Variants in TADA2A observed in about 807,000 individuals in gnomAD.
The protein encoded by TADA2A is transcriptional adaptor 2A.
TADA2A carries 38 observed loss-of-function variants against 67.4 expected under a neutral mutation model. The observed-to-expected ratio is 0.56, with a 90% CI of 0.44 to 0.74. The LOEUF (loss-of-function observed/expected upper bound fraction) is 0.74. Ranked by LOEUF, TADA2A falls within the 30% of genes least tolerant of loss-of-function variation. The pLI is 0.00. For synonymous variants in TADA2A, 192 were observed against 181.6 expected (o/e 1.06, Z -0.46); for missense variants, 454 against 547.0 (o/e 0.83, Z 1.70).
intron 11 of TADA2A, among the ~76,000 whole-genome samples, chr17:37,465,966 AT>A (rs2053655918): frequency 6.6e-6 from 1 of 152,118 alleles, no homozygotes; most frequent in Admixed American, 6.5e-5. Context: ...ACATCATTTT[AT>A]TTTGTTCATA....
intron 9 of TADA2A, chr17:37,461,873 C>A (rs997316827): frequency 1.0e-5 from 5 of 499,672 alleles, no homozygotes; most frequent in Non-Finnish European, 1.8e-5. Context: ...CTATGCCCAA[C>A]AAGAGGAAAA....
chr17:37,475,907 A>C (rs2053883439), intron 15 of TADA2A, among the ~76,000 whole-genome samples: 1 of 152,228 alleles, frequency 6.6e-6, no homozygotes, highest in Non-Finnish European at 1.5e-5. Context: ...CACATCTCTG[A>C]AGTCTGTTCC....
rs969135518 is a variant in TADA2A, at chr17:37,476,661, T to C, written c.1147-136T>C. On this transcript the variant is annotated intron_variant, in intron 15 of 15. Coordinates refer to ENST00000615182, the MANE Select transcript of TADA2A (RefSeq NM_001166105.3). ...CCAGAGAGGAAGAGACTAAATGGAA[T>C]GTAGTCCAGCCACCCATCAGCTCCT... The C allele has an allele frequency of 1.4e-5, 11 of 793,820 alleles. No homozygotes were observed. The African/African-American group carries it at 1.4e-4, about 10-fold the overall frequency. The allele number at this position is 793,820 out of a possible 1,614,324, so 49.2% of individuals were successfully genotyped here.
intron 11 of TADA2A, 101 bp downstream of exon 11, chr17:37,465,642 T>C (rs1335309968): frequency 1.0e-5 from 16 of 1,537,278 alleles, no homozygotes; most frequent in Non-Finnish European, 1.4e-5. Context: ...AATAAATAAA[T>C]GGATATTTCT....
chr17:37,422,484 T>TG (rs2052270998), intron 2 of TADA2A, among the ~76,000 whole-genome samples: 4 of 85,656 alleles, frequency 4.7e-5, no homozygotes, highest in African/African-American at 2.0e-4. Flanking sequence ...CCCAGCTGAT[T>TG]ATTATTATTA....
At chr17:37,452,197 G>A (rs142561830) in intron 8 of TADA2A, among the ~76,000 whole-genome samples, 14 of 152,154 alleles carry the variant, frequency 9.2e-5, no homozygotes, top group African/African-American at 3.4e-4. Flanking sequence ...GAGGTCAGGA[G>A]TTGCAGACCA....
At chr17:37,412,011 C>A (rs2147896439) in intron 2 of TADA2A, among the ~76,000 whole-genome samples, 1 of 151,186 alleles carries the variant, frequency 6.6e-6, no homozygotes, top group Non-Finnish European at 1.5e-5. Context: ...GAGATGGAGA[C>A]CATCCTGGCT....
At chr17:37,425,767 G>C (rs2052385997) in intron 3 of TADA2A, among the ~76,000 whole-genome samples, 1 of 150,994 alleles carries the variant, frequency 6.6e-6, no homozygotes, top group African/African-American at 2.4e-5. Context: ...TTCTACCTCA[G>C]CTTCCCAAGT....
At chr17:37,412,136 G>T (rs904444981) in intron 2 of TADA2A, among the ~76,000 whole-genome samples, 1 of 151,626 alleles carries the variant, frequency 6.6e-6, no homozygotes, top group Non-Finnish European at 1.5e-5. Flanking sequence ...GCATGAACCC[G>T]GGAGGCGGAG....
At chr17:37,439,557 A>G (rs535691147) in intron 5 of TADA2A, among the ~76,000 whole-genome samples, 1 of 152,282 alleles carries the variant, frequency 6.6e-6, no homozygotes, top group South Asian at 2.1e-4. Flanking sequence ...TGCTGGAATA[A>G]CAGATGTGCC....
chr17:37,476,681 G>T, intron 15 of TADA2A, 116 bp from the exon 16 acceptor site: 1 of 995,774 alleles, frequency 1.0e-6, no homozygotes, highest in Non-Finnish European at 1.5e-6. Context: ...CCACCCATCA[G>T]CTCCTATAAA....
intron 9 of TADA2A, 184 bp from the exon 10 acceptor site, chr17:37,461,894 C>A: frequency 1.9e-6 from 1 of 525,866 alleles, no homozygotes; most frequent in South Asian, 2.5e-5. Context: ...ACCCGTGATG[C>A]CTGAGAGTCT....
At chr17:37,461,644 T>A (rs1042057034) in intron 9 of TADA2A, among the ~76,000 whole-genome samples, 1 of 152,232 alleles carries the variant, frequency 6.6e-6, no homozygotes, top group Admixed American at 6.5e-5. Flanking sequence ...GTTGTGTGAA[T>A]GCACAGTTGA....
rs2053924179 is a variant in TADA2A at position 37,478,010 on chromosome 17, C to T, written c.*1028C>T. ...GCACACGCCTGTAATCCCAGCTACTCAGGAGGCTGAGGCAGGAGAATTGCT... is the reference window on the plus strand; with the variant it reads ...GCACACGCCTGTAATCCCAGCTACTTAGGAGGCTGAGGCAGGAGAATTGCT... On this transcript the variant is annotated 3_prime_UTR_variant, in exon 16 of 16. Coordinates refer to ENST00000615182, the MANE Select transcript of TADA2A (RefSeq NM_001166105.3). 6.6e-6 allele frequency: 1 copy of T among 150,842 alleles called. No individual in the cohort carries two copies. The highest frequency in any genetic ancestry group is 2.4e-5 in the African/African-American group (1 of 41,088). 9.3% of individuals were successfully genotyped at this position (150,842 alleles called of 1,614,324 possible).
At chr17:37,425,761 A>G (rs1054369283) in intron 3 of TADA2A, among the ~76,000 whole-genome samples, 1 of 149,552 alleles carries the variant, frequency 6.7e-6, no homozygotes, top group African/African-American at 2.5e-5. Context: ...TGATCCTTCT[A>G]CCTCAGCTTC....
chr17:37,473,792 G>C (rs1341074582), intron 14 of TADA2A, among the ~76,000 whole-genome samples: 1 of 152,144 alleles, frequency 6.6e-6, no homozygotes, highest in Non-Finnish European at 1.5e-5. Flanking sequence ...CCTGTTTGTG[G>C]ATCTTGCAGG....
chr17:37,437,182 C>T (rs12939091), intron 4 of TADA2A, among the ~76,000 whole-genome samples: 32,962 of 138,452 alleles, frequency 0.24, 3,945 homozygotes, highest in Middle Eastern at 0.4. Context: ...GCCTCCGCCT[C>T]CTGGGTTCAT....
chr17:37,473,571 G>T (rs1388835596), intron 14 of TADA2A, among the ~76,000 whole-genome samples: 2 of 152,170 alleles, frequency 1.3e-5, no homozygotes, highest in African/African-American at 4.8e-5. Context: ...CACTTGAAAA[G>T]CAACCTCTAT....
intron 4 of TADA2A, among the ~76,000 whole-genome samples, chr17:37,433,210 C>T (rs1325493538): frequency 6.6e-6 from 1 of 151,976 alleles, no homozygotes; most frequent in Admixed American, 6.6e-5. Context: ...ACCTTGGCCT[C>T]CCAGAGTGCT....
Sources: allele counts gnomAD v4.1 joint callset (sites outside exome capture counted in the v4.1 genomes callset), GRCh38; gene constraint gnomAD v4.1.1; transcripts MANE v1.5; gene names NCBI Gene and HGNC (gene_info 2026-07-23, HGNC 2026-07-21).